The following DENND1A variants were observed in gnomAD, a reference collection of about 807,000 sequenced individuals.
DENND1A encodes the protein DENN domain containing 1A, also known as DENN domain-containing protein 1A.
DENND1A carries 51 observed loss-of-function variants against 113.7 expected under a neutral mutation model. That is an observed-to-expected ratio of 0.45 (90% CI 0.36 to 0.57). DENND1A has a LOEUF of 0.57. Among genes scored for constraint, DENND1A ranks in the 20% least tolerant of loss-of-function variants. DENND1A has a pLI of 0.00. For synonymous variants in DENND1A, 565 were observed against 570.8 expected (o/e 0.99, Z 0.14); for missense variants, 1,258 against 1,395.9 (o/e 0.90, Z 1.57).
intron 13 of DENND1A, among the ~76,000 whole-genome samples, chr9:123,521,373 T>A (rs2135023433): frequency 6.6e-6 from 1 of 152,230 alleles, no homozygotes; most frequent in South Asian, 2.1e-4. Flanking sequence ...CAATTTGGAT[T>A]TTTATCTTGG....
At chr9:123,698,398 T>C (rs1017097840) in intron 5 of DENND1A, among the ~76,000 whole-genome samples, 1 of 152,206 alleles carries the variant, frequency 6.6e-6, no homozygotes, top group African/African-American at 2.4e-5. Flanking sequence ...ACAAGTGTAG[T>C]AGTACTGCCC....
chr9:123,631,054 T>C (rs982223611), intron 9 of DENND1A, among the ~76,000 whole-genome samples: 7 of 152,248 alleles, frequency 4.6e-5, no homozygotes, highest in African/African-American at 1.7e-4. Context: ...GTCAATAATT[T>C]GTATCTATAG....
chr9:123,820,463 A>G (rs1304249060), intron 2 of DENND1A, among the ~76,000 whole-genome samples: 2 of 152,172 alleles, frequency 1.3e-5, no homozygotes, highest in African/African-American at 4.8e-5. Context: ...CCAGAGTCCT[A>G]CTGTTCCAGG....
At chr9:123,834,316 C>T (rs374497193) in intron 2 of DENND1A, among the ~76,000 whole-genome samples, 2 of 152,226 alleles carry the variant, frequency 1.3e-5, no homozygotes, top group South Asian at 2.1e-4. Context: ...TGGACACTTG[C>T]TAAGTATATA....
intron 13 of DENND1A, among the ~76,000 whole-genome samples, chr9:123,488,506 T>C (rs1441370601): frequency 6.6e-6 from 1 of 152,242 alleles, no homozygotes; most frequent in Non-Finnish European, 1.5e-5. Context: ...AATCATTCTC[T>C]TCTTGATGGG....
At position 123,516,598 on chromosome 9, in the gene DENND1A, C is replaced by T. The variant is rs573976688; in HGVS notation, c.993+40972G>A. ...TCTATGGAATGTTAATAAGAATGGA[C>T]AATAGTAGGCCAGGCACGGTGGCTC... On this transcript the variant is annotated intron_variant, in intron 13 of 23. Coordinates refer to ENST00000394215, the MANE Select transcript of DENND1A (RefSeq NM_001352964.2). 1.1e-4 allele frequency among the ~76,000 whole-genome samples: 17 copies of T among 152,042 alleles called. 1 individual carries two copies. In the South Asian group the frequency reaches 3.5e-3, roughly 32 times the overall value.
At chr9:123,726,425 C>T (rs1403632585) in intron 5 of DENND1A, among the ~76,000 whole-genome samples, 1 of 152,174 alleles carries the variant, frequency 6.6e-6, no homozygotes, top group Non-Finnish European at 1.5e-5. Context: ...CCCTATCACA[C>T]GAACATACTT....
intron 1 of DENND1A, among the ~76,000 whole-genome samples, chr9:123,891,971 C>T (rs1456408176): frequency 6.6e-6 from 1 of 152,126 alleles, no homozygotes; most frequent in Non-Finnish European, 1.5e-5. Context: ...CTAAGCAAAG[C>T]CCAGCAAACA....
At chr9:123,539,751 C>G (rs953800911) in intron 13 of DENND1A, among the ~76,000 whole-genome samples, 4 of 151,912 alleles carry the variant, frequency 2.6e-5, no homozygotes, top group African/African-American at 7.3e-5. Context: ...GGCACGGTGG[C>G]GGGCGCCTGT....
chr9:123,550,658 G>C (rs2056985587), intron 13 of DENND1A, among the ~76,000 whole-genome samples: 1 of 152,214 alleles, frequency 6.6e-6, no homozygotes, highest in Non-Finnish European at 1.5e-5. Context: ...ACCAGCGTGT[G>C]TGAAATGTGT....
chr9:123,917,876 C>T (rs950042646), intron 1 of DENND1A, among the ~76,000 whole-genome samples: 3 of 151,804 alleles, frequency 2.0e-5, no homozygotes, highest in Non-Finnish European at 4.4e-5. Context: ...TTTGGGAGGC[C>T]GAGGCAGGCA....
intron 3 of DENND1A, among the ~76,000 whole-genome samples, chr9:123,787,103 T>G (rs1832302766): frequency 6.6e-6 from 1 of 152,152 alleles, no homozygotes; most frequent in Non-Finnish European, 1.5e-5. Flanking sequence ...GGCAGAACCT[T>G]TGTGGAATCA....
At chr9:123,702,716 C>G (rs1026167305) in intron 5 of DENND1A, among the ~76,000 whole-genome samples, 11 of 152,080 alleles carry the variant, frequency 7.2e-5, no homozygotes, top group African/African-American at 2.7e-4. Flanking sequence ...GCAAATCTGT[C>G]CTACAGAAAT....
At chr9:123,879,124 C>G (rs2133560978) in intron 1 of DENND1A, 103 bp from the exon 2 acceptor site, 2 of 1,158,052 alleles carry the variant, frequency 1.7e-6, no homozygotes, top group Non-Finnish European at 2.5e-6. Context: ...ATCATTAGCT[C>G]ACAACTTAAT....
At chr9:123,414,096 G>A in intron 19 of DENND1A, 2 of 993,926 alleles carry the variant, frequency 2.0e-6, no homozygotes, top group Non-Finnish European at 2.4e-6. Context: ...GCGCTCGGGA[G>A]GCAGCCTCTA....
chr9:123,835,325 T>C (rs1035131177), intron 2 of DENND1A, among the ~76,000 whole-genome samples: 4 of 152,192 alleles, frequency 2.6e-5, no homozygotes, highest in African/African-American at 9.7e-5. Flanking sequence ...TGAATGGGTT[T>C]CTGGTTTCCA....
chr9:123,408,367 C>T (rs1224784161), intron 20 of DENND1A, among the ~76,000 whole-genome samples: 3 of 152,226 alleles, frequency 2.0e-5, no homozygotes, highest in Admixed American at 6.5e-5. Flanking sequence ...TTCTATGACT[C>T]CCAAATTGGC....
chr9:123,786,826 T>G (rs1671344004), intron 3 of DENND1A, among the ~76,000 whole-genome samples: 1 of 152,088 alleles, frequency 6.6e-6, no homozygotes, highest in Non-Finnish European at 1.5e-5. Flanking sequence ...CTATAAAAAG[T>G]TTCCAAGATC....
chr9:123,877,333 CA>C (rs1847638012), intron 2 of DENND1A, among the ~76,000 whole-genome samples: 1 of 151,204 alleles, frequency 6.6e-6, no homozygotes, highest in African/African-American at 2.4e-5. Context: ...ACTAAAAATA[CA>C]AAAAATTAGC....
Sources: gnomAD v4.1 joint callset for allele counts (sites outside exome capture counted in the v4.1 genomes callset) on GRCh38, gnomAD v4.1.1 for gene constraint, MANE v1.5 for transcripts, NCBI Gene and HGNC (gene_info 2026-07-23, HGNC 2026-07-21) for gene names.